Variants in SGPL1 observed in about 807,000 individuals in gnomAD.
SGPL1 encodes the protein SP-lyase 1.
Under a neutral mutation model 68.9 loss-of-function variants are expected in SGPL1, and 37 were observed. The observed-to-expected ratio is 0.54, with a 90% CI of 0.41 to 0.71. The LOEUF (loss-of-function observed/expected upper bound fraction) is 0.71, where lower values mean the gene tolerates loss of function less well. Among genes scored for constraint, SGPL1 ranks in the 30% least tolerant of loss-of-function variants. The probability of loss-of-function intolerance (pLI) is 0.00; values close to 1 mark genes in which losing one functional copy is unlikely to be tolerated. For synonymous variants in SGPL1, 236 were observed against 248.5 expected, an observed-to-expected ratio of 0.95 and a Z score of 0.47; for missense variants, 551 against 704.6, an observed-to-expected ratio of 0.78 and a Z score of 2.47.
At chr10:70,843,978 C>A (rs900992515) in intron 2 of SGPL1, among the ~76,000 whole-genome samples, 1 of 152,182 alleles carries the variant, frequency 6.6e-6, no homozygotes, top group African/African-American at 2.4e-5. Flanking sequence ...ACTCCAGCAG[C>A]AGAGAGGAGT....
chr10:70,871,211 C>A, intron 10 of SGPL1, 65 bp downstream of exon 10: 4 of 1,071,868 alleles, frequency 3.7e-6, no homozygotes, highest in Non-Finnish European at 4.1e-6. Flanking sequence ...CCTAATGGGG[C>A]AGTACTTGGC....
At chr10:70,851,776 A>AC in intron 4 of SGPL1, among the ~76,000 whole-genome samples, 1 of 152,044 alleles carries the variant, frequency 6.6e-6, no homozygotes, top group South Asian at 2.1e-4. Context: ...GCAACTCCTC[A>AC]CCTCTGCCCT....
chr10:70,875,792 TTC>T (rs1328751805), intron 13 of SGPL1, among the ~76,000 whole-genome samples: 3 of 152,242 alleles, frequency 2.0e-5, no homozygotes, highest in African/African-American at 7.2e-5. Flanking sequence ...CATGAGGTTT[TTC>T]TCTCAGTCTC....
chr10:70,828,107 T>G (rs897088089), intron 2 of SGPL1, among the ~76,000 whole-genome samples: 13 of 152,234 alleles, frequency 8.5e-5, no homozygotes, highest in African/African-American at 3.1e-4. Context: ...CATGTCTTGG[T>G]AAACATAAAA....
intron 2 of SGPL1, among the ~76,000 whole-genome samples, chr10:70,830,284 T>G (rs1420869878): frequency 6.6e-6 from 1 of 152,146 alleles, no homozygotes; most frequent in Non-Finnish European, 1.5e-5. Context: ...TTTAGGACAT[T>G]TTCCAAAGAA....
At chr10:70,851,460 C>A (rs114086606) in intron 4 of SGPL1, among the ~76,000 whole-genome samples, 9 of 151,782 alleles carry the variant, frequency 5.9e-5, no homozygotes, top group South Asian at 2.1e-4. Context: ...GGCAGCCCCC[C>A]CCCACCCACC....
intron 2 of SGPL1, among the ~76,000 whole-genome samples, chr10:70,835,265 C>G (rs967485292): frequency 6.6e-6 from 1 of 152,166 alleles, no homozygotes; most frequent in African/African-American, 2.4e-5. Flanking sequence ...CTTATCAGCA[C>G]CTGGTACCAT....
intron 2 of SGPL1, among the ~76,000 whole-genome samples, chr10:70,833,813 T>C (rs888884090): frequency 1.1e-4 from 16 of 152,232 alleles, no homozygotes; most frequent in African/African-American, 3.6e-4. Flanking sequence ...CCATTCCTGC[T>C]GTAAAGCTCA....
In SGPL1 at chr10:70,877,439, C is replaced by A; in HGVS notation, c.*104C>A. 8.8e-7 allele frequency: 1 copy of A among 1,134,872 alleles called. No homozygotes were observed. Among genetic ancestry groups the A allele is most frequent in the Non-Finnish European group, 1.3e-6 (1 of 764,158 alleles). 70.3% of individuals were successfully genotyped at this position (1,134,872 alleles called of 1,614,324 possible). Reference sequence around the variant, plus strand: ...TGACATCTGGTCTTGCTCCATAGAGCACAACTCAAGATAGACCATGAGACA... The same window carrying A: ...TGACATCTGGTCTTGCTCCATAGAGAACAACTCAAGATAGACCATGAGACA... On this transcript the variant is annotated 3_prime_UTR_variant, in exon 15 of 15. Transcript: ENST00000373202.
chr10:70,868,787 G>A (rs1846240508), intron 8 of SGPL1, among the ~76,000 whole-genome samples: 1 of 152,090 alleles, frequency 6.6e-6, no homozygotes, highest in African/African-American at 2.4e-5. Flanking sequence ...ACCTCTCTAG[G>A]TACTTTAGTT....
At chr10:70,868,709 A>G (rs1441807106) in intron 8 of SGPL1, among the ~76,000 whole-genome samples, 1 of 152,124 alleles carries the variant, frequency 6.6e-6, no homozygotes, top group African/African-American at 2.4e-5. Context: ...CCTTTTTCCA[A>G]AAGTGAGAGT....
chr10:70,833,994 C>T (rs987382851), intron 2 of SGPL1, among the ~76,000 whole-genome samples: 3 of 149,492 alleles, frequency 2.0e-5, no homozygotes, highest in Non-Finnish European at 2.9e-5. Flanking sequence ...AGTAGAGTGA[C>T]GTGACTGGGC....
chr10:70,820,118 G>A (rs374115002), intron 2 of SGPL1: 13 of 152,330 alleles, frequency 8.5e-5, no homozygotes, highest in East Asian at 7.7e-4. Context: ...TGTATTACAT[G>A]TTAAGTGTAG....
intron 2 of SGPL1, among the ~76,000 whole-genome samples, chr10:70,832,144 C>G (rs932720695): frequency 2.3e-4 from 35 of 152,156 alleles, no homozygotes; most frequent in Non-Finnish European, 1.2e-4. Context: ...TGAAACTCTT[C>G]CAAGTATTAA....
chr10:70,851,764 T>C (rs892194802), intron 4 of SGPL1, among the ~76,000 whole-genome samples: 3 of 152,160 alleles, frequency 2.0e-5, no homozygotes, highest in Non-Finnish European at 2.9e-5. Flanking sequence ...ATCATTTCTG[T>C]TGCAACTCCT....
chr10:70,863,220 G>C (rs1004528497), intron 7 of SGPL1, among the ~76,000 whole-genome samples: 1 of 150,964 alleles, frequency 6.6e-6, no homozygotes, highest in Non-Finnish European at 1.5e-5. Context: ...CTCCCAAGCT[G>C]AAGTGATCTG....
At chr10:70,858,805 C>G (rs1471259659) in intron 6 of SGPL1, among the ~76,000 whole-genome samples, 1 of 152,150 alleles carries the variant, frequency 6.6e-6, no homozygotes, top group East Asian at 1.9e-4. Context: ...TCCATCATTC[C>G]TCTTGTTCCA....
chr10:70,839,156 G>T (rs1411185785), intron 2 of SGPL1, among the ~76,000 whole-genome samples: 1 of 152,092 alleles, frequency 6.6e-6, no homozygotes, highest in East Asian at 1.9e-4. Flanking sequence ...TGCCTTTTGG[G>T]TATCATCTGA....
At chr10:70,845,962 T>C (rs773792245) in intron 3 of SGPL1, among the ~76,000 whole-genome samples, 2 of 152,256 alleles carry the variant, frequency 1.3e-5, no homozygotes, top group Non-Finnish European at 2.9e-5. Flanking sequence ...AAAGTCAATT[T>C]AGAAGCCAGA....
Sources: allele counts gnomAD v4.1 joint callset (sites outside exome capture counted in the v4.1 genomes callset), GRCh38; gene constraint gnomAD v4.1.1; transcripts MANE v1.5; gene names NCBI Gene and HGNC (gene_info 2026-07-23, HGNC 2026-07-21).